ELAVL1: variants seen among roughly 807,000 people sequenced by gnomAD.
The protein encoded by ELAVL1 is ELAV-like protein 1.
Under a neutral mutation model 28.4 loss-of-function variants are expected in ELAVL1, and 1 was observed. That is an observed-to-expected ratio of 0.04 (90% CI 0.01 to 0.17). The LOEUF (loss-of-function observed/expected upper bound fraction) is 0.17, where lower values mean the gene tolerates loss of function less well. Among genes scored for constraint, ELAVL1 ranks in the 10% least tolerant of loss-of-function variants. The pLI, the probability that ELAVL1 is intolerant of heterozygous loss-of-function variation, is 1.00. For synonymous variants in ELAVL1, 174 were observed against 183.5 expected, an observed-to-expected ratio of 0.95 and a Z score of 0.42; for missense variants, 157 against 447.2, an observed-to-expected ratio of 0.35 and a Z score of 5.85.
intron 1 of ELAVL1, among the ~76,000 whole-genome samples, chr19:7,995,467 A>AAC (rs1191763649): frequency 3.9e-5 from 6 of 152,206 alleles, no homozygotes; most frequent in African/African-American, 1.4e-4. Context: ...GACCTCCTGA[A>AAC]ACACACATCA....
chr19:8,005,519 G>A lies in ELAVL1; in HGVS notation c.-41C>T, dbSNP rs978979248. On this transcript the variant is annotated 5_prime_UTR_variant, in exon 1 of 6. Transcript: ENST00000407627. ...CCTGGATGCGGGCGGGCGGGCCCGG[G>A]GCTGCTCCGGGGCGGGCGGGAGGCG... is the stretch of plus-strand genomic sequence containing the variant. 1.6e-4 allele frequency: 24 copies of A among 147,552 alleles called. No homozygotes were observed. Among genetic ancestry groups the A allele is most frequent in the African/African-American group, 5.9e-4 (24 of 40,898 alleles). The allele number at this position is 147,552 out of a possible 1,614,324, so 9.1% of individuals were successfully genotyped here. A position where few individuals can be genotyped will look rare whatever the true frequency, so the allele number is the denominator to read the frequency against.
intron 1 of ELAVL1, among the ~76,000 whole-genome samples, chr19:7,995,616 C>G (rs777598272): frequency 6.6e-6 from 1 of 152,026 alleles, no homozygotes; most frequent in Non-Finnish European, 1.5e-5. Flanking sequence ...TAGTAGCAAC[C>G]GTATGGCCAA....
At chr19:7,964,019 G>A (rs1416491591) in intron 5 of ELAVL1, among the ~76,000 whole-genome samples, 1 of 152,184 alleles carries the variant, frequency 6.6e-6, no homozygotes, top group Non-Finnish European at 1.5e-5. Flanking sequence ...GTAGGGAGCT[G>A]ACTCTGAGGG....
At position 7,960,280 on chromosome 19, in the gene ELAVL1, C is replaced by A. The variant is rs1159081637; in HGVS notation, c.*3203G>T. On this transcript the variant is annotated 3_prime_UTR_variant, in exon 6 of 6. Coordinates refer to ENST00000407627, the MANE Select transcript of ELAVL1 (RefSeq NM_001419.3). ...CTGGGTCTCCAGGACTAAGGCCAAGCGCAGACTCTCAGAGGTTAAGGCAGC... is the reference window on the plus strand; with the variant it reads ...CTGGGTCTCCAGGACTAAGGCCAAGAGCAGACTCTCAGAGGTTAAGGCAGC... The A allele has an allele frequency of 6.6e-6, 1 of 152,180 alleles. No homozygotes were observed. Among genetic ancestry groups the A allele is most frequent in the Non-Finnish European group, 1.5e-5 (1 of 68,062 alleles). The allele number at this position is 152,180 out of a possible 1,614,324, so 9.4% of individuals were successfully genotyped here.
chr19:7,972,417 A>C (rs1193101326), intron 4 of ELAVL1, among the ~76,000 whole-genome samples: 1 of 152,226 alleles, frequency 6.6e-6, no homozygotes, highest in Admixed American at 6.5e-5. Context: ...CAGAGCCCAC[A>C]TCCAGTGCCA....
At chr19:8,005,257 C>T (rs760841343) in intron 1 of ELAVL1, among the ~76,000 whole-genome samples, 1 of 151,808 alleles carries the variant, frequency 6.6e-6, no homozygotes, top group Non-Finnish European at 1.5e-5. Context: ...CGCCGTATCC[C>T]CCTCGCCCGT....
Position 7,963,989 on chromosome 19 carries a change from G to T in ELAVL1, c.657-182C>A, listed in dbSNP as rs1984881754. Among the ~76,000 whole-genome samples, 1 of 152,230 alleles carries T rather than the reference G, an allele frequency of 6.6e-6. No individual in the cohort carries two copies. Among genetic ancestry groups the T allele is most frequent in the Admixed American group, 6.5e-5 (1 of 15,286 alleles). The stretch of plus-strand genomic sequence containing the variant: ...CTGGGAGGAATTAAATACAGTAGTG[G>T]AGGGGCGGGACCCTGTTCTGTAGGG... On this transcript the variant is annotated intron_variant, in intron 5 of 5. Transcript: ENST00000407627. The surrounding 1 kb of genome is among the most constrained non-coding windows in gnomAD (Gnocchi z 4.5).
intron 2 of ELAVL1, among the ~76,000 whole-genome samples, chr19:7,987,223 A>T (rs1018210310): frequency 6.6e-6 from 1 of 152,012 alleles, no homozygotes; most frequent in Non-Finnish European, 1.5e-5. Context: ...AGCCTTGGGC[A>T]GCGGTGTGGG....
At chr19:7,977,584 C>T (rs1985335976) in intron 3 of ELAVL1, among the ~76,000 whole-genome samples, 1 of 152,230 alleles carries the variant, frequency 6.6e-6, no homozygotes, top group Non-Finnish European at 1.5e-5. Context: ...CATGCTCAGC[C>T]TGTCGCCTCC....
chr19:7,991,580 A>C, intron 2 of ELAVL1, 64 bp downstream of exon 2: 1 of 1,520,214 alleles, frequency 6.6e-7, no homozygotes, highest in Non-Finnish European at 9.0e-7. Flanking sequence ...TCACAGGCAA[A>C]GGAGACAGTG....
intron 5 of ELAVL1, among the ~76,000 whole-genome samples, chr19:7,965,801 A>G (rs1984941360): frequency 6.6e-6 from 1 of 152,018 alleles, no homozygotes; most frequent in Admixed American, 6.6e-5. Context: ...CCGCCCATAT[A>G]GCCCGCCCCA....
rs988846201 is a variant in ELAVL1 at position 7,964,070 on chromosome 19, G to A, written c.657-263C>T. ...CCACTCCTCCCACTGTGTATGTCGG[G>A]GTTTCTGTTTAGGGGTTCCTGCGGT... On this transcript the variant is annotated intron_variant, in intron 5 of 5. Coordinates refer to ENST00000407627, the MANE Select transcript of ELAVL1 (RefSeq NM_001419.3). Among the ~76,000 whole-genome samples, 42 of 152,164 alleles carry A rather than the reference G, an allele frequency of 2.8e-4. 1 individual carries two copies. Among genetic ancestry groups the A allele is most frequent in the Non-Finnish European group, 2.9e-5 (2 of 68,022 alleles).
intron 2 of ELAVL1, among the ~76,000 whole-genome samples, chr19:7,986,521 C>T (rs1029767564): frequency 5.3e-5 from 8 of 152,200 alleles, no homozygotes; most frequent in African/African-American, 1.4e-4. Context: ...CCAAGGCTAG[C>T]GGATAGCAGG....
At chr19:7,974,240 C>T (rs564439261) in intron 3 of ELAVL1, among the ~76,000 whole-genome samples, 3 of 152,330 alleles carry the variant, frequency 2.0e-5, no homozygotes, top group South Asian at 2.1e-4. Context: ...GAAAGCAGCC[C>T]GTGCTGCAGC....
chr19:8,002,208 G>A, intron 1 of ELAVL1: 1 of 1,118,338 alleles, frequency 8.9e-7, no homozygotes, highest in Non-Finnish European at 1.2e-6. Flanking sequence ...GGGCTTGGCT[G>A]TATCCTAAAA....
rs554935915 is a variant in ELAVL1 at position 8,003,712 on chromosome 19, A to G, written c.-17+1783T>C. Among the ~76,000 whole-genome samples the G allele has an allele frequency of 7.2e-5, 11 of 151,800 alleles. No homozygotes were observed. In the East Asian group the frequency reaches 1.4e-3, roughly 19 times the overall value. On this transcript the variant is annotated intron_variant, in intron 1 of 5. Coordinates refer to ENST00000407627, the MANE Select transcript of ELAVL1 (RefSeq NM_001419.3). ...GTCTCAAAAAAAAAAAAAAAAAAGAAATAGCACCATGATCTCAGACTCAAC... is the reference window on the plus strand; with the variant it reads ...GTCTCAAAAAAAAAAAAAAAAAAGAGATAGCACCATGATCTCAGACTCAAC...
At chr19:8,000,457 C>G (rs185993168) in intron 1 of ELAVL1, among the ~76,000 whole-genome samples, 3 of 152,290 alleles carry the variant, frequency 2.0e-5, no homozygotes, top group Middle Eastern at 6.8e-3. Context: ...TGCACCATGA[C>G]GGAGCAGGTA....
Position 7,990,559 on chromosome 19 carries a change from G to T in ELAVL1, c.172+1085C>A, listed in dbSNP as rs138391408. Among the ~76,000 whole-genome samples the T allele has an allele frequency of 2.0e-3, 303 of 151,388 alleles. 1 individual carries two copies. Among genetic ancestry groups the T allele is most frequent in the African/African-American group, 6.9e-3 (283 of 41,224 alleles). Reference sequence around the variant, plus strand: ...GTTTTTGTATTTTTCGTAAAGATGGGGTTTCACCATGTTGCCCAGGCTGGT... The same window carrying T: ...GTTTTTGTATTTTTCGTAAAGATGGTGTTTCACCATGTTGCCCAGGCTGGT... On this transcript the variant is annotated intron_variant, in intron 2 of 5. Coordinates refer to ENST00000407627, the MANE Select transcript of ELAVL1 (RefSeq NM_001419.3).
intron 5 of ELAVL1, among the ~76,000 whole-genome samples, chr19:7,965,536 C>A (rs1403136368): frequency 6.6e-6 from 1 of 152,114 alleles, no homozygotes; most frequent in Non-Finnish European, 1.5e-5. Context: ...TCACTGCAGT[C>A]TGGGTCTTTC....
Sources: gnomAD v4.1 joint callset for allele counts (sites outside exome capture counted in the v4.1 genomes callset) on GRCh38, gnomAD v4.1.1 for gene constraint, Gnocchi (gnomAD v3.1) non-coding constraint, MANE v1.5 for transcripts, NCBI Gene and HGNC (gene_info 2026-07-23, HGNC 2026-07-21) for gene names.